SLC25A25: variants seen among roughly 807,000 people sequenced by gnomAD.
The protein encoded by SLC25A25 is solute carrier family 25 member 25, also known as mitochondrial adenyl nucleotide antiporter SLC25A25.
Under a neutral mutation model 57.7 loss-of-function variants are expected in SLC25A25, and 32 were observed. The observed-to-expected ratio is 0.55, with a 90% CI of 0.42 to 0.74. The LOEUF (loss-of-function observed/expected upper bound fraction) is 0.74. Ranked by LOEUF, SLC25A25 falls within the 30% of genes least tolerant of loss-of-function variation. The probability of loss-of-function intolerance (pLI) is 0.00; values close to 1 mark genes in which losing one functional copy is unlikely to be tolerated. For missense variants in SLC25A25, 556 were observed against 701.3 expected, an observed-to-expected ratio of 0.79 and a Z score of 2.34; for synonymous variants, 306 against 291.2, an observed-to-expected ratio of 1.05 and a Z score of -0.52.
chr9:128,107,702 C>A lies in SLC25A25; in HGVS notation c.*258C>A, dbSNP rs1263048674. On this transcript the variant is annotated 3_prime_UTR_variant, in exon 11 of 11. Coordinates refer to ENST00000373069, the MANE Select transcript of SLC25A25 (RefSeq NM_001330988.2). Reference sequence around the variant, plus strand: ...CCAGGGTCAGCAGGCTCCGGGCTCACATGTGTAAGGACAGGACATTTTCTG... The same window carrying A: ...CCAGGGTCAGCAGGCTCCGGGCTCAAATGTGTAAGGACAGGACATTTTCTG... 1.4e-5 allele frequency: 6 copies of A among 430,496 alleles called. No homozygotes were observed. The highest frequency in any genetic ancestry group is 2.4e-5 in the Non-Finnish European group (6 of 245,110). 26.7% of individuals were successfully genotyped at this position (430,496 alleles called of 1,614,324 possible). A position where few individuals can be genotyped will look rare whatever the true frequency, so the allele number is the denominator to read the frequency against.
Position 128,068,267 on chromosome 9 carries a change from C to T in SLC25A25, c.-53C>T. 2.6e-6 allele frequency: 3 copies of T among 1,132,668 alleles called. No individual in the cohort carries two copies. Among genetic ancestry groups the T allele is most frequent in the South Asian group, 3.2e-5 (1 of 31,526 alleles). 70.2% of individuals were successfully genotyped at this position (1,132,668 alleles called of 1,614,324 possible). On this transcript the variant is annotated 5_prime_UTR_variant, in exon 1 of 11. Transcript: ENST00000373069. The stretch of plus-strand genomic sequence containing the variant: ...TGGCTTGCCTCCCGCGCGGTCACCG[C>T]CGGCCCGCCGCCCCCGCTCCCGCCC...
rs756200440 is a variant in SLC25A25 at position 128,103,330 on chromosome 9, T to C, written c.625-351T>C. On this transcript the variant is annotated intron_variant, in intron 5 of 10. Coordinates refer to ENST00000373069, the MANE Select transcript of SLC25A25 (RefSeq NM_001330988.2). This position sits in a 1 kb window ranked among gnomAD's most constrained non-coding sequence, Gnocchi z 6.7. ...TCAGACGGCTCTCACCCCGGCCTGA[T>C]CCCTTCAGCGCAGCCAGCCTGGCAA... Among the ~76,000 whole-genome samples the C allele has an allele frequency of 5.9e-5, 9 of 152,172 alleles. No individual in the cohort carries two copies. The highest frequency in any genetic ancestry group is 1.2e-4 in the Non-Finnish European group (8 of 68,020).
intron 1 of SLC25A25, chr9:128,092,104 A>G: frequency 6.2e-7 from 1 of 1,609,692 alleles, no homozygotes; most frequent in East Asian, 2.2e-5. Context: ...TGTTGGCCTC[A>G]AGAGGACCTC....
At chr9:128,085,990 A>T (rs1001687360) in intron 1 of SLC25A25, among the ~76,000 whole-genome samples, 1 of 151,752 alleles carries the variant, frequency 6.6e-6, no homozygotes, top group African/African-American at 2.4e-5. Flanking sequence ...ACAGGTGCGT[A>T]CCTGTCATTT....
chr9:128,106,646 TTC>T, intron 9 of SLC25A25, 126 bp downstream of exon 9: 1 of 1,200,838 alleles, frequency 8.3e-7, no homozygotes, highest in Non-Finnish European at 1.1e-6. Flanking sequence ...CTTCCTGCTC[TTC>T]TGTTTACTGC....
intron 1 of SLC25A25, among the ~76,000 whole-genome samples, chr9:128,073,211 C>G (rs887056054): frequency 1.3e-5 from 2 of 152,316 alleles, no homozygotes; most frequent in Admixed American, 6.5e-5. Context: ...TCCTCTCCTC[C>G]TTAACACAGT....
At chr9:128,096,518 T>C (rs1412033748) in intron 1 of SLC25A25, among the ~76,000 whole-genome samples, 4 of 116,568 alleles carry the variant, frequency 3.4e-5, no homozygotes, top group Non-Finnish European at 3.8e-5. Flanking sequence ...TCAAAAATAA[T>C]AATAATAATG....
chr9:128,072,724 A>C (rs184809200), intron 1 of SLC25A25, among the ~76,000 whole-genome samples: 2 of 152,356 alleles, frequency 1.3e-5, no homozygotes, highest in Admixed American at 1.3e-4. Flanking sequence ...TCATTAAAGA[A>C]GAAAGAAAAA....
At chr9:128,077,974 C>T (rs970569364) in intron 1 of SLC25A25, among the ~76,000 whole-genome samples, 1 of 151,196 alleles carries the variant, frequency 6.6e-6, no homozygotes, top group Non-Finnish European at 1.5e-5. Context: ...TGCAGTGAAC[C>T]GAGACTGCGC....
At position 128,095,393 on chromosome 9, in the gene SLC25A25, C is replaced by T. The variant is rs931022490; in HGVS notation, c.262-5703C>T. The stretch of plus-strand genomic sequence containing the variant: ...CTCTCCCAGGCCTGTTTGCTCAACT[C>T]GGAGATTAAGGGATGATCCCAGAGC... On this transcript the variant is annotated intron_variant, in intron 1 of 10. Transcript: ENST00000373069. The surrounding 1 kb of genome is among the most constrained non-coding windows in gnomAD (Gnocchi z 4.4). Among the ~76,000 whole-genome samples, 1 of 152,260 alleles carries T rather than the reference C, an allele frequency of 6.6e-6. No individual in the cohort carries two copies. The highest frequency in any genetic ancestry group is 2.4e-5 in the African/African-American group (1 of 41,542).
At chr9:128,073,393 C>T (rs1419513620) in intron 1 of SLC25A25, among the ~76,000 whole-genome samples, 4 of 152,168 alleles carry the variant, frequency 2.6e-5, no homozygotes, top group Admixed American at 6.5e-5. Flanking sequence ...CTCCCTGACC[C>T]GAGCAGTGCA....
At chr9:128,106,920 C>T (rs1834063855) in intron 9 of SLC25A25, 109 bp from the exon 10 acceptor site, 2 of 1,373,410 alleles carry the variant, frequency 1.5e-6, no homozygotes, top group African/African-American at 1.4e-5. Flanking sequence ...AGCCAGGCCC[C>T]AGGCGCGGCA....
At chr9:128,106,901 T>C in intron 9 of SLC25A25, 128 bp from the exon 10 acceptor site, 1 of 1,171,512 alleles carries the variant, frequency 8.5e-7, no homozygotes, top group Non-Finnish European at 1.2e-6. Flanking sequence ...GCAGCCAGGC[T>C]AGGAGCCCAG....
intron 1 of SLC25A25, among the ~76,000 whole-genome samples, chr9:128,088,845 A>T (rs1297217193): frequency 6.6e-6 from 1 of 152,112 alleles, no homozygotes; most frequent in African/African-American, 2.4e-5. Flanking sequence ...ATGTGTGTAG[A>T]TGGGAGGCCA....
intron 1 of SLC25A25, among the ~76,000 whole-genome samples, chr9:128,096,104 A>G (rs1297855612): frequency 3.3e-5 from 5 of 149,314 alleles, no homozygotes; most frequent in Admixed American, 1.4e-4. Flanking sequence ...AAGGAAGACC[A>G]GCATTTTTTT....
intron 1 of SLC25A25, among the ~76,000 whole-genome samples, chr9:128,078,578 C>G (rs1295012104): frequency 6.6e-6 from 1 of 152,204 alleles, no homozygotes; most frequent in Non-Finnish European, 1.5e-5. Context: ...GGCCCGCATG[C>G]TTTCCCTGGA....
chr9:128,080,226 ATC>A (rs1405565394), intron 1 of SLC25A25, among the ~76,000 whole-genome samples: 5 of 134,942 alleles, frequency 3.7e-5, no homozygotes, highest in African/African-American at 1.3e-4. Context: ...GTGATACCCC[ATC>A]TAAAAAAAAA....
intron 1 of SLC25A25, among the ~76,000 whole-genome samples, chr9:128,079,030 G>T (rs1833080244): frequency 6.6e-6 from 1 of 152,146 alleles, no homozygotes; most frequent in African/African-American, 2.4e-5. Context: ...GGATATAAAA[G>T]ACTCAACACC....
At chr9:128,082,404 A>G (rs1833174624) in intron 1 of SLC25A25, among the ~76,000 whole-genome samples, 1 of 152,108 alleles carries the variant, frequency 6.6e-6, no homozygotes, top group Non-Finnish European at 1.5e-5. Context: ...GTCCTGCCTT[A>G]CAGCCTGAAA....
Sources: allele counts gnomAD v4.1 joint callset (sites outside exome capture counted in the v4.1 genomes callset), GRCh38; gene constraint gnomAD v4.1.1; non-coding constraint Gnocchi (gnomAD v3.1); transcripts MANE v1.5; gene names NCBI Gene and HGNC (gene_info 2026-07-23, HGNC 2026-07-21).